ACTN4: variants seen among roughly 807,000 people sequenced by gnomAD.
ACTN4 encodes the protein actinin alpha 4.
In ACTN4, 18 loss-of-function variants were observed where a neutral mutation model predicts 114.2. The ratio of observed to expected loss-of-function variants is 0.16; its 90% CI spans 0.11 to 0.23. ACTN4 has a LOEUF of 0.23. Ranked by LOEUF, ACTN4 falls within the 10% of genes least tolerant of loss-of-function variation. ACTN4 has a pLI of 1.00. For synonymous variants in ACTN4, 515 were observed against 506.3 expected (o/e 1.02, Z -0.23); for missense variants, 722 against 1,262.9 (o/e 0.57, Z 6.49).
At chr19:38,694,542 G>A (rs1968030176) in intron 1 of ACTN4, among the ~76,000 whole-genome samples, 1 of 151,828 alleles carries the variant, frequency 6.6e-6, no homozygotes, top group African/African-American at 2.4e-5. Flanking sequence ...TTACAGGTGC[G>A]AGCCACTGCG....
chr19:38,655,008 C>G (rs1392625272), intron 1 of ACTN4, among the ~76,000 whole-genome samples: 1 of 152,142 alleles, frequency 6.6e-6, no homozygotes. Flanking sequence ...ATTCTCTCCC[C>G]CTCCCCCAGG....
intron 5 of ACTN4, among the ~76,000 whole-genome samples, chr19:38,707,624 C>T (rs759638035): frequency 1.3e-5 from 2 of 152,168 alleles, no homozygotes; most frequent in East Asian, 1.9e-4. Context: ...AGCCAGCCCA[C>T]GGACTGGCCT....
At chr19:38,674,359 C>T (rs1967307698) in intron 1 of ACTN4, among the ~76,000 whole-genome samples, 1 of 152,100 alleles carries the variant, frequency 6.6e-6, no homozygotes, top group Non-Finnish European at 1.5e-5. Context: ...GTGCCGGTAG[C>T]GAGGATCTTG....
Position 38,729,274 on chromosome 19 carries a change from A to T in ACTN4, c.2578A>T (p.Asn860Tyr). ...CAGAGTCCCATCCTGCCTGCCCCAG[A>T]ACTTCATCACAGCTGAGGAGCTGCG... ...ASFKVLAGDK[N>Y]FITAEELRRE... The change falls in exon 21 of 21, where the codon AAC becomes TAC. Residue 860 changes from asparagine to tyrosine, a missense_variant and splice_region_variant. This residue lies in a region of ACTN4 where 523 missense variants were observed against 875.9 expected (regional missense o/e 0.60). Coordinates refer to ENST00000252699, the MANE Select transcript of ACTN4 (RefSeq NM_004924.6). 6.2e-7 allele frequency: 1 copy of T among 1,612,828 alleles called. No homozygotes were observed. Among genetic ancestry groups the T allele is most frequent in the South Asian group, 1.1e-5 (1 of 91,076 alleles).
chr19:38,672,604 G>A (rs1051182222), intron 1 of ACTN4, among the ~76,000 whole-genome samples: 1 of 150,338 alleles, frequency 6.7e-6, no homozygotes, highest in African/African-American at 2.4e-5. Flanking sequence ...ATGGAGTTTC[G>A]CTCTTGTTGC....
rs759411096 is a variant in ACTN4 at position 38,724,509 on chromosome 19, C to T, written c.1954C>T (p.Arg652Cys). The change falls in exon 16 of 21, where the codon CGC becomes TGC. Residue 652 changes from arginine to cysteine, a missense_variant. Arg to Cys is a radical substitution (Grantham distance 180). Transcript: ENST00000252699. This position sits in a 1 kb window ranked among gnomAD's most constrained non-coding sequence, Gnocchi z 7.0. ...GCAGCAGTCCAACGAGCACCTGCGC[C>T]GCCAGTTCGCCAGCCAGGCCAATGT... ...SKQQSNEHLR[R>C]QFASQANVVG... 27 of 1,613,172 alleles carry T rather than the reference C, an allele frequency of 1.7e-5. No homozygotes were observed. Among genetic ancestry groups the T allele is most frequent in the South Asian group, 9.9e-5 (9 of 91,086 alleles).
chr19:38,682,316 G>A (rs541457299), intron 1 of ACTN4, among the ~76,000 whole-genome samples: 84 of 152,038 alleles, frequency 5.5e-4, no homozygotes, highest in African/African-American at 2.0e-3. Flanking sequence ...CTGGGATTAC[G>A]GGTGTGAGCT....
intron 1 of ACTN4, among the ~76,000 whole-genome samples, chr19:38,685,029 T>C (rs1967698053): frequency 6.6e-6 from 1 of 152,182 alleles, no homozygotes; most frequent in Non-Finnish European, 1.5e-5. Context: ...CACTGCAACC[T>C]CTGCCTCCTG....
chr19:38,648,441 G>A (rs1187902330), intron 1 of ACTN4, among the ~76,000 whole-genome samples: 2 of 152,112 alleles, frequency 1.3e-5, no homozygotes, highest in East Asian at 3.9e-4. Flanking sequence ...TAAAGGGGAT[G>A]AAGAATCAAG....
At chr19:38,654,760 C>T (rs556354282) in intron 1 of ACTN4, among the ~76,000 whole-genome samples, 2 of 152,092 alleles carry the variant, frequency 1.3e-5, no homozygotes, top group South Asian at 4.1e-4. Context: ...TCCCCTTTCT[C>T]CATAAACAAG....
chr19:38,691,213 C>T (rs757000177), intron 1 of ACTN4, among the ~76,000 whole-genome samples: 4 of 151,732 alleles, frequency 2.6e-5, no homozygotes, highest in Middle Eastern at 3.4e-3. Flanking sequence ...GTTGGGAGTT[C>T]GAGACTAGCC....
intron 1 of ACTN4, among the ~76,000 whole-genome samples, chr19:38,667,142 A>T (rs940040238): frequency 6.6e-6 from 1 of 152,232 alleles, no homozygotes; most frequent in Non-Finnish European, 1.5e-5. Flanking sequence ...ACCTGACACG[A>T]TGGCTCAGAA....
intron 19 of ACTN4, chr19:38,728,248 A>G (rs900275591): frequency 7.9e-5 from 118 of 1,497,080 alleles, no homozygotes; most frequent in South Asian, 1.2e-4. Flanking sequence ...CCTGCTGTGC[A>G]CATGGGGCGG....
rs531845152 is a variant in ACTN4 at position 38,662,067 on chromosome 19, C to T, written c.162+14160C>T. ...TTGGTCAGTTGGAGTGAGGGTGGTT[C>T]TAGTTCAGAGAAAGAGACAGGCATA... On this transcript the variant is annotated intron_variant, in intron 1 of 20. Transcript: ENST00000252699. 2.6e-5 allele frequency among the ~76,000 whole-genome samples: 4 copies of T among 152,280 alleles called. No individual in the cohort carries two copies. In the South Asian group the frequency reaches 8.3e-4, roughly 32 times the overall value.
Position 38,724,774 on chromosome 19 carries a change from C to T in ACTN4, c.2010+209C>T, listed in dbSNP as rs932571439. On this transcript the variant is annotated intron_variant, in intron 16 of 20. Transcript: ENST00000252699. This position sits in a 1 kb window ranked among gnomAD's most constrained non-coding sequence, Gnocchi z 7.0. ...ATCCCGGCACCTGGGGAGGCTGAGG[C>T]GGGCGGATCGCTTGAGCCCAGGAGT... 3.3e-5 allele frequency among the ~76,000 whole-genome samples: 5 copies of T among 152,192 alleles called. No homozygotes were observed. The highest frequency in any genetic ancestry group is 4.4e-5 in the Non-Finnish European group (3 of 68,028).
At chr19:38,673,508 A>ATTC (rs1555826143) in intron 1 of ACTN4, among the ~76,000 whole-genome samples, 96 of 65,122 alleles carry the variant, frequency 1.5e-3, no homozygotes, top group Middle Eastern at 5.5e-3. Flanking sequence ...TATATATATG[A>ATTC]ATATATATTT....
At chr19:38,705,342 A>G (rs575429670) in intron 4 of ACTN4, among the ~76,000 whole-genome samples, 33 of 152,308 alleles carry the variant, frequency 2.2e-4, no homozygotes, top group African/African-American at 7.9e-4. Flanking sequence ...CAGACTAGTG[A>G]GAGAGTTGGG....
At position 38,724,631 on chromosome 19, in the gene ACTN4, C is replaced by G. The variant is rs1050438789; in HGVS notation, c.2010+66C>G. 3 of 1,607,358 alleles carry G rather than the reference C, an allele frequency of 1.9e-6. No individual in the cohort carries two copies. Among genetic ancestry groups the G allele is most frequent in the Non-Finnish European group, 2.5e-6 (3 of 1,179,490 alleles). ...AGAGAGCTCCCGTAGTGAGGGGGTC[C>G]CCGGCCAGCCCAGGGCCTGCAGACT... is the stretch of plus-strand genomic sequence containing the variant. On this transcript the variant is annotated intron_variant, in intron 16 of 20. Coordinates refer to ENST00000252699, the MANE Select transcript of ACTN4 (RefSeq NM_004924.6). This position sits in a 1 kb window ranked among gnomAD's most constrained non-coding sequence, Gnocchi z 7.0.
In ACTN4 at chr19:38,729,172, G is replaced by A. The variant is rs138660046; in HGVS notation, c.2577+18G>A. The A allele has an allele frequency of 4.3e-5, 70 of 1,612,826 alleles. No homozygotes were observed. The Middle Eastern group carries it at 9.9e-4, about 23-fold the overall frequency. On this transcript the variant is annotated intron_variant, in intron 20 of 20. Transcript: ENST00000252699. The stretch of plus-strand genomic sequence containing the variant: ...GGGACAAGGTGAGCGAGACCCCTAC[G>A]AGGTGCATGGGGGCTGGCGAGAGGG...
Sources: gnomAD v4.1 joint callset for allele counts (sites outside exome capture counted in the v4.1 genomes callset) on GRCh38, gnomAD v4.1.1 for gene constraint, gnomAD v4.1.1 regional missense constraint, Gnocchi (gnomAD v3.1) non-coding constraint, MANE v1.5 for transcripts, NCBI Gene and HGNC (gene_info 2026-07-23, HGNC 2026-07-21) for gene names.